Variants in DNAI1 observed in about 807,000 individuals in gnomAD.
DNAI1 encodes dynein axonemal intermediate chain 1.
DNAI1 carries 67 observed loss-of-function variants against 92.0 expected under a neutral mutation model. That is an observed-to-expected ratio of 0.73 (90% CI 0.60 to 0.89). DNAI1 has a LOEUF of 0.89. Ranked by LOEUF, DNAI1 falls within the 40% of genes least tolerant of loss-of-function variation. The pLI, the probability that DNAI1 is intolerant of heterozygous loss-of-function variation, is 0.00. For synonymous variants in DNAI1, 323 were observed against 319.6 expected, an observed-to-expected ratio of 1.01 and a Z score of -0.11; for missense variants, 839 against 866.6, an observed-to-expected ratio of 0.97 and a Z score of 0.40.
intron 16 of DNAI1, among the ~76,000 whole-genome samples, chr9:34,513,571 C>T (rs896338459): frequency 6.6e-6 from 1 of 152,122 alleles, no homozygotes; most frequent in Non-Finnish European, 1.5e-5. Flanking sequence ...CTGGGTACAT[C>T]CCAGCCAGCA....
intron 1 of DNAI1, among the ~76,000 whole-genome samples, chr9:34,477,710 C>T (rs150197952): frequency 2.6e-4 from 40 of 152,144 alleles, no homozygotes; most frequent in African/African-American, 9.2e-4. Context: ...CAGTTTCCAA[C>T]CTGGGTGACT....
Position 34,485,236 on chromosome 9 carries a change from A to G in DNAI1, c.176A>G (p.Asp59Gly). 6.2e-7 allele frequency: 1 copy of G among 1,614,162 alleles called. No individual in the cohort carries two copies. Among genetic ancestry groups the G allele is most frequent in the South Asian group, 1.1e-5 (1 of 91,080 alleles). ...CCCCCTGACCAGCTGGAGTTGACCGATGCGGTGAGTGAGTAGCCTCTTGTT... is the reference window on the plus strand; with the variant it reads ...CCCCCTGACCAGCTGGAGTTGACCGGTGCGGTGAGTGAGTAGCCTCTTGTT... ...VRPPDQLELT[D>G]AELKEEFTRI... Residue 59 changes from aspartate (D) to glycine (G), a missense_variant, in exon 3 of 20, where the codon GAT (aspartate) becomes GGT (glycine). Coordinates refer to ENST00000242317, the MANE Select transcript of DNAI1 (RefSeq NM_012144.4).
chr9:34,487,238 A>G (rs1319233583), intron 4 of DNAI1, among the ~76,000 whole-genome samples: 8 of 151,296 alleles, frequency 5.3e-5, no homozygotes, highest in Admixed American at 5.3e-4. Context: ...GCTGGAGTGC[A>G]GTGGTGGCAC....
intron 1 of DNAI1, among the ~76,000 whole-genome samples, chr9:34,481,726 G>A (rs573754285): frequency 9.2e-5 from 14 of 152,114 alleles, no homozygotes; most frequent in South Asian, 2.1e-4. Context: ...AAGATAGCGC[G>A]TCTGGAGTTG....
chr9:34,493,239 A>G lies in DNAI1; in HGVS notation c.727A>G (p.Lys243Glu), dbSNP rs775818668. 43 of 1,614,102 alleles carry G rather than the reference A, an allele frequency of 2.7e-5. No individual in the cohort carries two copies. Among genetic ancestry groups the G allele is most frequent in the Middle Eastern group, 3.3e-4 (2 of 6,084 alleles). ...AYVEELEKQE[K>E]TKEKEKAKTP... ...TGTAGAGGAACTTGAGAAGCAGGAA[A>G]AGACCAAAGAGAAGGAGAAGGCAAA... The change falls in exon 9 of 20, where the codon AAG becomes GAG. Residue 243 changes from lysine to glutamate, a missense_variant. Coordinates refer to ENST00000242317, the MANE Select transcript of DNAI1 (RefSeq NM_012144.4).
intron 1 of DNAI1, among the ~76,000 whole-genome samples, chr9:34,467,107 C>T (rs1453194854): frequency 6.6e-6 from 1 of 152,202 alleles, no homozygotes; most frequent in African/African-American, 2.4e-5. Context: ...TCGCTTTACT[C>T]TAAAGTAACT....
Position 34,506,771 on chromosome 9 carries a change from A to G in DNAI1, c.1208A>G (p.His403Arg), listed in dbSNP as rs1824940564. Residue 403 changes from histidine (H) to arginine (R), a missense_variant, in exon 13 of 20, where the codon CAC (histidine) becomes CGC (arginine). Transcript: ENST00000242317. ...CACCCCTACCTGGTGGCAGTAGGCC[A>G]CTATGACGGCAACGTGGCCATTTAC... ...VDHPYLVAVG[H>R]YDGNVAIYNL... The G allele has an allele frequency of 6.2e-7, 1 of 1,614,054 alleles. No individual in the cohort carries two copies. Among genetic ancestry groups the G allele is most frequent in the African/African-American group, 1.3e-5 (1 of 74,936 alleles).
chr9:34,490,623 C>A, intron 7 of DNAI1, 135 bp downstream of exon 7: 2 of 1,283,568 alleles, frequency 1.6e-6, no homozygotes, highest in Non-Finnish European at 1.1e-6. Context: ...GCTTATCTCC[C>A]CAAGGAGAGC....
chr9:34,468,213 G>A (rs1273917174), intron 1 of DNAI1, among the ~76,000 whole-genome samples: 6 of 151,284 alleles, frequency 4.0e-5, no homozygotes, highest in African/African-American at 1.5e-4. Context: ...ATGGCGTCTC[G>A]CTCTGTCTGC....
intron 19 of DNAI1, among the ~76,000 whole-genome samples, chr9:34,519,817 G>A (rs1338259544): frequency 3.9e-5 from 6 of 152,186 alleles, no homozygotes; most frequent in Admixed American, 3.3e-4. Flanking sequence ...GCGAAGGCAG[G>A]AAATGGGGAA....
chr9:34,497,092 C>G, intron 9 of DNAI1, 23 bp from the exon 10 acceptor site: 1 of 1,601,948 alleles, frequency 6.2e-7, no homozygotes, highest in Non-Finnish European at 8.6e-7. Flanking sequence ...TTATGAGGAC[C>G]TGAAGTTTCT....
At chr9:34,468,818 C>A (rs1824087607) in intron 1 of DNAI1, among the ~76,000 whole-genome samples, 1 of 145,934 alleles carries the variant, frequency 6.9e-6, no homozygotes. Flanking sequence ...AGAGTGAGAC[C>A]CTGTCTCAAA....
intron 19 of DNAI1, among the ~76,000 whole-genome samples, chr9:34,520,028 G>A (rs1825238728): frequency 6.6e-6 from 1 of 152,140 alleles, no homozygotes; most frequent in Non-Finnish European, 1.5e-5. Flanking sequence ...GTCTTCTAAA[G>A]GACAACCTCA....
rs774665876 is a variant in DNAI1, at chr9:34,516,739, CTTTTCTTTT to C, written c.1819-541_1819-533del. The stretch of plus-strand genomic sequence containing the variant: ...CAAATGGTAGCTGCTATTTTCTTTT[CTTTTCTTTT>C]TTTTTTTTTTTGAGACAAGATCTCA... On this transcript the variant is annotated intron_variant, in intron 18 of 19. Coordinates refer to ENST00000242317, the MANE Select transcript of DNAI1 (RefSeq NM_012144.4). Among the ~76,000 whole-genome samples, 952 of 126,294 alleles carry C rather than the reference CTTTTCTTTT, an allele frequency of 7.5e-3. 11 individuals carry two copies. The highest frequency in any genetic ancestry group is 0.02 in the Middle Eastern group (5 of 252). 82.9% of individuals were successfully genotyped at this position (126,294 alleles called of 152,430 possible).
intron 3 of DNAI1, 87 bp from the exon 4 acceptor site, chr9:34,485,350 C>T (rs1824449554): frequency 6.3e-7 from 1 of 1,586,750 alleles, no homozygotes; most frequent in African/African-American, 1.3e-5. Context: ...TGTGAGATGT[C>T]TGCTGATACT....
intron 19 of DNAI1, among the ~76,000 whole-genome samples, chr9:34,518,340 C>G (rs1038950609): frequency 6.6e-6 from 1 of 152,236 alleles, no homozygotes; most frequent in African/African-American, 2.4e-5. Flanking sequence ...TGTGCTCCTA[C>G]CAAGGAAGGG....
chr9:34,458,827 G>A lies in DNAI1; in HGVS notation c.-179G>A. On this transcript the variant is annotated 5_prime_UTR_variant, in exon 1 of 20. Transcript: ENST00000242317. This position sits in a 1 kb window ranked among gnomAD's most constrained non-coding sequence, Gnocchi z 6.6. Reference sequence around the variant, plus strand: ...GTCGGTTGCTGGGTAACCGCGTCAGGGAGTTGGATTCTATCCTGCAAGGGC... The same window carrying A: ...GTCGGTTGCTGGGTAACCGCGTCAGAGAGTTGGATTCTATCCTGCAAGGGC... 4 of 672,698 alleles carry A rather than the reference G, an allele frequency of 5.9e-6. No individual in the cohort carries two copies. Among genetic ancestry groups the A allele is most frequent in the Non-Finnish European group, 1.1e-5 (4 of 365,738 alleles). The allele number at this position is 672,698 out of a possible 1,614,324, so 41.7% of individuals were successfully genotyped here.
Position 34,517,448 on chromosome 9 carries a change from A to G in DNAI1, c.1982A>G (p.Asn661Ser), listed in dbSNP as rs1192461590. 1.9e-6 allele frequency: 3 copies of G among 1,614,100 alleles called. No individual in the cohort carries two copies. Among genetic ancestry groups the G allele is most frequent in the Admixed American group, 1.7e-5 (1 of 60,008 alleles). ...ATCATCAGCCTCAAGCTCTCACCCA[A>G]TTTGCGCAAGATGCCAAAGGTACAG... ...GHIISLKLSPNLRKMPKEKKG... is the reference protein window; with the variant it reads ...GHIISLKLSPSLRKMPKEKKG... Residue 661 changes from asparagine to serine, a missense_variant, in exon 19 of 20, where the codon AAT becomes AGT. Transcript: ENST00000242317.
In DNAI1 at chr9:34,520,839, C is replaced by A; in HGVS notation, c.*83C>A. On this transcript the variant is annotated 3_prime_UTR_variant, in exon 20 of 20. Coordinates refer to ENST00000242317, the MANE Select transcript of DNAI1 (RefSeq NM_012144.4). ...CTGGTACCCAGCCCAGCCTTAGCAC[C>A]CAGCATGTGACCCCACTCCTGATCA... The A allele has an allele frequency of 7.4e-7, 1 of 1,350,360 alleles. No homozygotes were observed. The highest frequency in any genetic ancestry group is 1.0e-6 in the Non-Finnish European group (1 of 964,508). 83.6% of individuals were successfully genotyped at this position (1,350,360 alleles called of 1,614,324 possible).
Sources: allele counts gnomAD v4.1 joint callset (sites outside exome capture counted in the v4.1 genomes callset), GRCh38; gene constraint gnomAD v4.1.1; non-coding constraint Gnocchi (gnomAD v3.1); transcripts MANE v1.5; gene names NCBI Gene and HGNC (gene_info 2026-07-23, HGNC 2026-07-21).